Variants in MLEC observed in about 807,000 individuals in gnomAD.
The protein encoded by MLEC is oligosaccharyltransferase complex subunit (non-catalytic).
MLEC carries 7 observed loss-of-function variants against 28.7 expected under a neutral mutation model. The observed-to-expected ratio is 0.24, with a 90% CI of 0.14 to 0.46. The LOEUF (loss-of-function observed/expected upper bound fraction) is 0.46. Among genes scored for constraint, MLEC ranks in the 20% least tolerant of loss-of-function variants. MLEC has a pLI of 0.99. For missense variants in MLEC, 237 were observed against 391.1 expected (o/e 0.61, Z 3.32); for synonymous variants, 142 against 164.4 (o/e 0.86, Z 1.04).
Position 120,698,662 on chromosome 12 carries a change from GT to G in MLEC, c.*2120del, listed in dbSNP as rs1882328908. 6.5e-6 allele frequency: 1 copy of G among 152,716 alleles called. No individual in the cohort carries two copies. The highest frequency in any genetic ancestry group is 6.5e-5 in the Admixed American group (1 of 15,280). The allele number at this position is 152,716 out of a possible 1,614,324, so 9.5% of individuals were successfully genotyped here. A position where few individuals can be genotyped will look rare whatever the true frequency, so the allele number is the denominator to read the frequency against. ...GGACTGGCTGCCTCCATTTTGCCTTGTTTGTTAGTTTGCCTGGGTCTGTCTG... is the reference window on the plus strand; with the variant it reads ...GGACTGGCTGCCTCCATTTTGCCTTGTTGTTAGTTTGCCTGGGTCTGTCTG... On this transcript the variant is annotated 3_prime_UTR_variant, in exon 5 of 5. Transcript: ENST00000228506.
At chr12:120,695,512 G>A (rs1882196960) in intron 4 of MLEC, among the ~76,000 whole-genome samples, 4 of 152,020 alleles carry the variant, frequency 2.6e-5, no homozygotes, top group Admixed American at 6.5e-5. Flanking sequence ...TTTCCTAGGG[G>A]AAAAAAAGGT....
At position 120,696,362 on chromosome 12, in the gene MLEC, GGAA is replaced by G. The variant is rs750509479; in HGVS notation, c.712_714del (p.Glu238del). On this transcript the variant is annotated inframe_deletion, in exon 5 of 5. Transcript: ENST00000228506. The surrounding 1 kb of genome is among the most constrained non-coding windows in gnomAD (Gnocchi z 5.4). ...ATCCGGGATTGGAGAAGAAAGAAGA[GGAA>G]GAAGAAGAAGAAGAATATGATGAAG... 244 of 1,613,134 alleles carry G rather than the reference GGAA, an allele frequency of 1.5e-4. 2 individuals carry two copies. The highest frequency in any genetic ancestry group is 1.2e-3 in the South Asian group (112 of 91,038).
Position 120,696,706 on chromosome 12 carries a change from C to T in MLEC, c.*161C>T. 9.3e-7 allele frequency: 1 copy of T among 1,069,916 alleles called. No individual in the cohort carries two copies. Among genetic ancestry groups the T allele is most frequent in the Non-Finnish European group, 1.3e-6 (1 of 759,662 alleles). The allele number at this position is 1,069,916 out of a possible 1,614,324, so 66.3% of individuals were successfully genotyped here. On this transcript the variant is annotated 3_prime_UTR_variant, in exon 5 of 5. Transcript: ENST00000228506. The surrounding 1 kb of genome is among the most constrained non-coding windows in gnomAD (Gnocchi z 5.4). Reference sequence around the variant, plus strand: ...AAAAAGAGGCAGAGCGAGTAGAGAGCAGCCCTCATTCACCACCTGGTCCCA... The same window carrying T: ...AAAAAGAGGCAGAGCGAGTAGAGAGTAGCCCTCATTCACCACCTGGTCCCA...
chr12:120,698,022 G>A lies in MLEC; in HGVS notation c.*1477G>A, dbSNP rs1253587226. The A allele has an allele frequency of 1.3e-5, 2 of 152,038 alleles. No individual in the cohort carries two copies. The allele number at this position is 152,038 out of a possible 1,614,324, so 9.4% of individuals were successfully genotyped here. ...TTCTATAGGAAATGAAGCTTCCCTGGTCCCCTCCTTTCTGGCCATTGTCAT... is the reference window on the plus strand; with the variant it reads ...TTCTATAGGAAATGAAGCTTCCCTGATCCCCTCCTTTCTGGCCATTGTCAT... On this transcript the variant is annotated 3_prime_UTR_variant, in exon 5 of 5. Coordinates refer to ENST00000228506, the MANE Select transcript of MLEC (RefSeq NM_014730.4).
chr12:120,691,596 A>C (rs924326068), intron 1 of MLEC, among the ~76,000 whole-genome samples: 2 of 152,204 alleles, frequency 1.3e-5, no homozygotes, highest in South Asian at 4.1e-4. Context: ...ATTTTAGAGA[A>C]ATCTGTTTCG....
In MLEC at chr12:120,687,172, A is replaced by T. The variant is rs1881849460; in HGVS notation, c.-125A>T. On this transcript the variant is annotated 5_prime_UTR_variant, in exon 1 of 5. Coordinates refer to ENST00000228506, the MANE Select transcript of MLEC (RefSeq NM_014730.4). The surrounding 1 kb of genome is among the most constrained non-coding windows in gnomAD (Gnocchi z 8.1). ...CCGTGGCTGAGAAGAAGGAGGCCTG[A>T]GAGCGACATGTCCCCGGCGGCTCAG... The T allele has an allele frequency of 9.1e-7, 1 of 1,103,628 alleles. No individual in the cohort carries two copies. The highest frequency in any genetic ancestry group is 1.2e-6 in the Non-Finnish European group (1 of 862,894). The allele number at this position is 1,103,628 out of a possible 1,614,324, so 68.4% of individuals were successfully genotyped here.
At chr12:120,695,059 G>C (rs753476705) in intron 3 of MLEC, 36 bp from the exon 4 acceptor site, 1 of 1,614,014 alleles carries the variant, frequency 6.2e-7, no homozygotes, top group African/African-American at 1.3e-5. Context: ...GTTGTTTGCT[G>C]CTGTGTGGGG....
rs1385369368 is a variant in MLEC, at chr12:120,696,033, C to T, written c.650-283C>T. Among the ~76,000 whole-genome samples the T allele has an allele frequency of 6.6e-6, 1 of 152,144 alleles. No homozygotes were observed. Among genetic ancestry groups the T allele is most frequent in the East Asian group, 1.9e-4 (1 of 5,192 alleles). ...TAAAGTTTAGGCATTGGATCATTGT[C>T]CCTGTCCAGTCTGGTTATCTTGGGG... On this transcript the variant is annotated intron_variant, in intron 4 of 4. Coordinates refer to ENST00000228506, the MANE Select transcript of MLEC (RefSeq NM_014730.4). The surrounding 1 kb of genome is among the most constrained non-coding windows in gnomAD (Gnocchi z 5.4).
In MLEC at chr12:120,687,653, C is replaced by T. The variant is rs1314810904; in HGVS notation, c.235+122C>T. The T allele has an allele frequency of 1.2e-5, 8 of 693,124 alleles. No individual in the cohort carries two copies. Among genetic ancestry groups the T allele is most frequent in the Non-Finnish European group, 2.2e-6 (1 of 463,728 alleles). The allele number at this position is 693,124 out of a possible 1,614,324, so 42.9% of individuals were successfully genotyped here. A position where few individuals can be genotyped will look rare whatever the true frequency, so the allele number is the denominator to read the frequency against. On this transcript the variant is annotated intron_variant, in intron 1 of 4. Coordinates refer to ENST00000228506, the MANE Select transcript of MLEC (RefSeq NM_014730.4). This position sits in a 1 kb window ranked among gnomAD's most constrained non-coding sequence, Gnocchi z 8.1. ...GCCGCGTCTCTGGAGCGAAGTTTCT[C>T]TCTGCAGCTTCTTCGGGGGCCCGCT...
In MLEC at chr12:120,696,326, G is replaced by T; in HGVS notation, c.660G>T (p.Lys220Asn). The T allele has an allele frequency of 1.2e-6, 2 of 1,614,076 alleles. No individual in the cohort carries two copies. The highest frequency in any genetic ancestry group is 1.7e-6 in the Non-Finnish European group (2 of 1,180,016). ...TCTTCCTTGTGTTAGATGTACCAAA[G>T]CTTCAGCCTCATCCGGGATTGGAGA... The part of the protein sequence containing the change: ...IMAGTVDDVP[K>N]LQPHPGLEKK... The change falls in exon 5 of 5, where the codon AAG becomes AAT. Residue 220 changes from lysine (K) to asparagine (N), a missense_variant. Physicochemically the swap from Lys to Asn is moderately conservative, Grantham distance 94. Transcript: ENST00000228506. This position sits in a 1 kb window ranked among gnomAD's most constrained non-coding sequence, Gnocchi z 5.4.
rs544974383 is a variant in MLEC, at chr12:120,687,177, G to T, written c.-120G>T. 4.0e-5 allele frequency: 45 copies of T among 1,132,768 alleles called. 2 individuals carry two copies. In the South Asian group the frequency reaches 9.1e-4, roughly 23 times the overall value. 70.2% of individuals were successfully genotyped at this position (1,132,768 alleles called of 1,614,324 possible). On this transcript the variant is annotated 5_prime_UTR_variant, in exon 1 of 5. Transcript: ENST00000228506. This position sits in a 1 kb window ranked among gnomAD's most constrained non-coding sequence, Gnocchi z 8.1. The stretch of plus-strand genomic sequence containing the variant: ...GCTGAGAAGAAGGAGGCCTGAGAGC[G>T]ACATGTCCCCGGCGGCTCAGGCGGA...
Position 120,692,376 on chromosome 12 carries a change from G to A in MLEC, c.236-1715G>A, listed in dbSNP as rs186551032. Among the ~76,000 whole-genome samples the A allele has an allele frequency of 1.9e-3, 290 of 152,278 alleles. 1 individual carries two copies. Among genetic ancestry groups the A allele is most frequent in the Non-Finnish European group, 2.9e-3 (199 of 68,002 alleles). On this transcript the variant is annotated intron_variant, in intron 1 of 4. Coordinates refer to ENST00000228506, the MANE Select transcript of MLEC (RefSeq NM_014730.4). ...GCAATGGTTTTTTGAGGCTGGAAAG[G>A]AGGGGGAGCATGTTAGCAGTACATC...
At chr12:120,692,335 A>G (rs1250293459) in intron 1 of MLEC, among the ~76,000 whole-genome samples, 1 of 152,188 alleles carries the variant, frequency 6.6e-6, no homozygotes, top group African/African-American at 2.4e-5. Flanking sequence ...CAGTCTTCAT[A>G]GGTTTGTATC....
In MLEC at chr12:120,687,304, G is replaced by A. The variant is rs1455698909; in HGVS notation, c.8G>A (p.Gly3Glu). 7.2e-7 allele frequency: 1 copy of A among 1,394,358 alleles called. No homozygotes were observed. The highest frequency in any genetic ancestry group is 9.3e-7 in the Non-Finnish European group (1 of 1,079,638). 86.4% of individuals were successfully genotyped at this position (1,394,358 alleles called of 1,614,324 possible). Residue 3 changes from glycine (G) to glutamate (E), a missense_variant, in exon 1 of 5, where the codon GGA becomes GAA. By Grantham distance (98) the Gly-to-Glu change is moderately conservative. Coordinates refer to ENST00000228506, the MANE Select transcript of MLEC (RefSeq NM_014730.4). The surrounding 1 kb of genome is among the most constrained non-coding windows in gnomAD (Gnocchi z 8.1). ...CCCGTGGTGGTGGCCGCCATGCTGG[G>A]AGCCTGGGCGGTTGAGGGAACCGCT... is the stretch of plus-strand genomic sequence containing the variant. ML[G>E]AWAVEGTAVA...
chr12:120,687,307 C>A lies in MLEC; in HGVS notation c.11C>A (p.Ala4Asp). The A allele has an allele frequency of 7.2e-7, 1 of 1,395,192 alleles. No individual in the cohort carries two copies. The highest frequency in any genetic ancestry group is 9.3e-7 in the Non-Finnish European group (1 of 1,079,890). 86.4% of individuals were successfully genotyped at this position (1,395,192 alleles called of 1,614,324 possible). A position where few individuals can be genotyped will look rare whatever the true frequency, so the allele number is the denominator to read the frequency against. Residue 4 changes from alanine to aspartate, a missense_variant, in exon 1 of 5, where the codon GCC becomes GAC. Coordinates refer to ENST00000228506, the MANE Select transcript of MLEC (RefSeq NM_014730.4). The surrounding 1 kb of genome is among the most constrained non-coding windows in gnomAD (Gnocchi z 8.1). ...GTGGTGGTGGCCGCCATGCTGGGAG[C>A]CTGGGCGGTTGAGGGAACCGCTGTG... is the stretch of plus-strand genomic sequence containing the variant. MLGAWAVEGTAVAL... is the reference protein window; with the variant it reads MLGDWAVEGTAVAL...
At position 120,696,709 on chromosome 12, in the gene MLEC, C is replaced by A; in HGVS notation, c.*164C>A. 1.0e-6 allele frequency: 1 copy of A among 981,364 alleles called. No individual in the cohort carries two copies. The highest frequency in any genetic ancestry group is 1.5e-6 in the Non-Finnish European group (1 of 680,512). 60.8% of individuals were successfully genotyped at this position (981,364 alleles called of 1,614,324 possible). On this transcript the variant is annotated 3_prime_UTR_variant, in exon 5 of 5. Coordinates refer to ENST00000228506, the MANE Select transcript of MLEC (RefSeq NM_014730.4). The surrounding 1 kb of genome is among the most constrained non-coding windows in gnomAD (Gnocchi z 5.4). ...AAGAGGCAGAGCGAGTAGAGAGCAG[C>A]CCTCATTCACCACCTGGTCCCAGAC... is the stretch of plus-strand genomic sequence containing the variant.
Position 120,694,824 on chromosome 12 carries a change from G to T in MLEC, c.415G>T (p.Val139Leu). ...EVYFAQSQQKVFDVRLNGHVV... is the reference protein window; with the variant it reads ...EVYFAQSQQKLFDVRLNGHVV... ...TTGTTTTCTTTTCTTATCCTGGAAG[G>T]TATTTGATGTACGATTGAATGGCCA... The change falls in exon 3 of 5, where the codon GTA (valine) becomes TTA (leucine). Residue 139 changes from valine (V) to leucine (L), a missense_variant and splice_region_variant. Physicochemically the swap from Val to Leu is conservative, Grantham distance 32. Coordinates refer to ENST00000228506, the MANE Select transcript of MLEC (RefSeq NM_014730.4). The surrounding 1 kb of genome is among the most constrained non-coding windows in gnomAD (Gnocchi z 4.5). The T allele has an allele frequency of 6.2e-7, 1 of 1,609,518 alleles. No homozygotes were observed. The highest frequency in any genetic ancestry group is 8.5e-7 in the Non-Finnish European group (1 of 1,176,958).
Position 120,701,099 on chromosome 12 carries a change from T to C in MLEC, c.*4554T>C, listed in dbSNP as rs1882430725. The C allele has an allele frequency of 6.6e-6, 1 of 152,258 alleles. No homozygotes were observed. Among genetic ancestry groups the C allele is most frequent in the Non-Finnish European group, 1.5e-5 (1 of 68,064 alleles). The allele number at this position is 152,258 out of a possible 1,614,324, so 9.4% of individuals were successfully genotyped here. ...TGGCACCTCTTGCATCCAGGCAGTCTTGTGAGATGGGGGCACATAGCACTG... is the reference window on the plus strand; with the variant it reads ...TGGCACCTCTTGCATCCAGGCAGTCCTGTGAGATGGGGGCACATAGCACTG... On this transcript the variant is annotated 3_prime_UTR_variant, in exon 5 of 5. Transcript: ENST00000228506. The surrounding 1 kb of genome is among the most constrained non-coding windows in gnomAD (Gnocchi z 4.0).
At position 120,687,654 on chromosome 12, in the gene MLEC, T is replaced by A; in HGVS notation, c.235+123T>A. 1.5e-6 allele frequency: 1 copy of A among 671,322 alleles called. No individual in the cohort carries two copies. Among genetic ancestry groups the A allele is most frequent in the Non-Finnish European group, 2.2e-6 (1 of 445,998 alleles). The allele number at this position is 671,322 out of a possible 1,614,324, so 41.6% of individuals were successfully genotyped here. On this transcript the variant is annotated intron_variant, in intron 1 of 4. Transcript: ENST00000228506. The surrounding 1 kb of genome is among the most constrained non-coding windows in gnomAD (Gnocchi z 8.1). The stretch of plus-strand genomic sequence containing the variant: ...CCGCGTCTCTGGAGCGAAGTTTCTC[T>A]CTGCAGCTTCTTCGGGGGCCCGCTC...
Sources: allele counts gnomAD v4.1 joint callset (sites outside exome capture counted in the v4.1 genomes callset), GRCh38; gene constraint gnomAD v4.1.1; non-coding constraint Gnocchi (gnomAD v3.1); transcripts MANE v1.5; gene names NCBI Gene and HGNC (gene_info 2026-07-23, HGNC 2026-07-21).